The following NXPE2 variants were observed in gnomAD, a reference collection of about 807,000 sequenced individuals.
NXPE2 encodes neurexophilin and PC-esterase domain family member 2.
Under a neutral mutation model 34.4 loss-of-function variants are expected in NXPE2, and 34 were observed. That is an observed-to-expected ratio of 0.99 (90% confidence interval 0.75 to 1.31). The LOEUF is 1.31. Among genes scored for constraint, NXPE2 ranks in the 40% most tolerant of loss-of-function variants. The pLI is 0.00. For missense variants in NXPE2, 649 were observed against 672.5 expected (o/e 0.97, Z 0.39); for synonymous variants, 235 against 231.3 (o/e 1.02, Z -0.15).
the NXPE2 span, among the ~76,000 whole-genome samples, chr11:114,559,151 C>T: frequency 1.3e-5 from 2 of 152,110 alleles, no homozygotes; most frequent in African/African-American, 4.8e-5. Flanking sequence ...CACACATACT[C>T]AAAGACAAAA....
At chr11:114,477,456 G>A in the NXPE2 span, among the ~76,000 whole-genome samples, 3 of 152,016 alleles carry the variant, frequency 2.0e-5, no homozygotes, top group Non-Finnish European at 2.9e-5. Context: ...AACATTACAT[G>A]TACACTGTAA....
the NXPE2 span, among the ~76,000 whole-genome samples, chr11:114,576,256 T>C: frequency 6.6e-6 from 1 of 151,986 alleles, no homozygotes; most frequent in Non-Finnish European, 1.5e-5. Context: ...TTCTAGAAGA[T>C]AACATTAGAA....
chr11:114,748,484 C>T, the NXPE2 span, among the ~76,000 whole-genome samples: 2 of 152,202 alleles, frequency 1.3e-5, no homozygotes. Context: ...GTCTTGTCTT[C>T]CCAGAGTCCC....
chr11:114,718,126 C>T, the NXPE2 span, among the ~76,000 whole-genome samples: 1 of 152,160 alleles, frequency 6.6e-6, no homozygotes, highest in Admixed American at 6.5e-5. Flanking sequence ...TAAATTAATA[C>T]AATCATGATC....
chr11:114,522,030 T>C, the NXPE2 span: 1 of 1,613,972 alleles, frequency 6.2e-7, no homozygotes, highest in Admixed American at 1.7e-5. Context: ...GGTGGGTGGA[T>C]AGTGTCAGTG....
chr11:114,659,062 A>G, the NXPE2 span, among the ~76,000 whole-genome samples: 1 of 152,202 alleles, frequency 6.6e-6, no homozygotes, highest in East Asian at 1.9e-4. Context: ...AACCAGAAAA[A>G]TTTGCAACAG....
At chr11:114,784,536 C>T in the NXPE2 span, among the ~76,000 whole-genome samples, 4 of 152,248 alleles carry the variant, frequency 2.6e-5, no homozygotes, top group African/African-American at 7.2e-5. Flanking sequence ...GTGTGGATTT[C>T]GCGTCTCACT....
the NXPE2 span, among the ~76,000 whole-genome samples, chr11:114,727,158 G>T: frequency 6.6e-6 from 1 of 152,010 alleles, no homozygotes; most frequent in Non-Finnish European, 1.5e-5. Flanking sequence ...GTCTTAATTT[G>T]GACTGCTGTA....
chr11:114,812,605 C>T, the NXPE2 span, among the ~76,000 whole-genome samples: 2 of 152,104 alleles, frequency 1.3e-5, no homozygotes, highest in African/African-American at 2.4e-5. Flanking sequence ...AAGAAATTTC[C>T]AGCAAAGTTT....
At chr11:114,793,050 C>T in the NXPE2 span, among the ~76,000 whole-genome samples, 11 of 152,156 alleles carry the variant, frequency 7.2e-5, no homozygotes, top group African/African-American at 2.7e-4. Context: ...GAGCTGAAAA[C>T]CCTCTTATAA....
the NXPE2 span, among the ~76,000 whole-genome samples, chr11:114,611,535 T>C: frequency 6.6e-6 from 1 of 151,902 alleles, no homozygotes; most frequent in Admixed American, 6.6e-5. Flanking sequence ...ACCCGGTTTA[T>C]AATAAGTGTT....
chr11:114,630,198 A>G, the NXPE2 span, among the ~76,000 whole-genome samples: 8 of 151,966 alleles, frequency 5.3e-5, no homozygotes, highest in Admixed American at 6.5e-5. Flanking sequence ...GAACCAAAAA[A>G]GAGCCCTCAT....
At chr11:114,725,916 C>T in the NXPE2 span, among the ~76,000 whole-genome samples, 2 of 147,118 alleles carry the variant, frequency 1.4e-5, no homozygotes, top group African/African-American at 5.0e-5. Context: ...CTTATGGTCC[C>T]TCTGGACAGA....
chr11:114,721,507 C>T, the NXPE2 span, among the ~76,000 whole-genome samples: 20 of 152,024 alleles, frequency 1.3e-4, no homozygotes, highest in African/African-American at 4.8e-4. Flanking sequence ...CCTGAGCACA[C>T]CTGCATTGAA....
chr11:114,644,227 C>T, the NXPE2 span, among the ~76,000 whole-genome samples: 1 of 152,112 alleles, frequency 6.6e-6, no homozygotes, highest in East Asian at 1.9e-4. Flanking sequence ...TTCCTCTCTT[C>T]CTGTTCGAAT....
chr11:114,643,606 A>G, the NXPE2 span, among the ~76,000 whole-genome samples: 1 of 151,876 alleles, frequency 6.6e-6, no homozygotes, highest in African/African-American at 2.4e-5. Context: ...GTTCTGTTCC[A>G]TTGGTCTATA....
At chr11:114,671,570 C>A in the NXPE2 span, among the ~76,000 whole-genome samples, 1 of 151,840 alleles carries the variant, frequency 6.6e-6, no homozygotes, top group Non-Finnish European at 1.5e-5. Flanking sequence ...ACCAGGTAAC[C>A]ACAATAAGAC....
the NXPE2 span, among the ~76,000 whole-genome samples, chr11:114,769,377 T>C: frequency 2.6e-5 from 4 of 152,202 alleles, no homozygotes; most frequent in Non-Finnish European, 5.9e-5. Flanking sequence ...TGTAAATTAG[T>C]TCAACCATTG....
At chr11:114,530,124 T>C in the NXPE2 span, 2 of 1,528,858 alleles carry the variant, frequency 1.3e-6, no homozygotes, top group Non-Finnish European at 1.8e-6. Flanking sequence ...TAGCTCTGAC[T>C]GGGGCACTTC....
Sources: allele counts gnomAD v4.1 joint callset (sites outside exome capture counted in the v4.1 genomes callset), GRCh38; gene constraint gnomAD v4.1.1; transcripts MANE v1.5; gene names NCBI Gene and HGNC (gene_info 2026-07-23, HGNC 2026-07-21).